Variants in BCL2L13 observed in about 807,000 individuals in gnomAD.
BCL2L13 encodes bcl-2-like protein 13.
In BCL2L13, 13 loss-of-function variants were observed where a neutral mutation model predicts 25.8. The observed-to-expected ratio is 0.50, with a 90% CI of 0.33 to 0.80. BCL2L13 has a LOEUF of 0.80. BCL2L13 is among the 30% of genes least tolerant of loss of function. The pLI, the probability that BCL2L13 is intolerant of heterozygous loss-of-function variation, is 0.02. For missense variants in BCL2L13, 504 were observed against 574.9 expected, an observed-to-expected ratio of 0.88 and a Z score of 1.26; for synonymous variants, 244 against 230.3, an observed-to-expected ratio of 1.06 and a Z score of -0.54.
chr22:17,687,314 C>T (rs913156771), intron 3 of BCL2L13, among the ~76,000 whole-genome samples: 2 of 125,880 alleles, frequency 1.6e-5, no homozygotes, highest in African/African-American at 2.9e-5. Flanking sequence ...TTTCTGGATT[C>T]AAGTTTTATT....
chr22:17,682,871 C>T (rs956315380), intron 2 of BCL2L13, among the ~76,000 whole-genome samples: 9 of 152,166 alleles, frequency 5.9e-5, no homozygotes, highest in African/African-American at 1.7e-4. Context: ...CAGTGGCTTA[C>T]GCCTGAAATC....
chr22:17,650,167 GC>G (rs1333291440), intron 1 of BCL2L13, among the ~76,000 whole-genome samples: 1 of 152,114 alleles, frequency 6.6e-6, no homozygotes. Flanking sequence ...ACTGCGCCCG[GC>G]TGACTCTTCT....
chr22:17,680,623 G>A (rs1455120600), intron 2 of BCL2L13, among the ~76,000 whole-genome samples: 1 of 151,618 alleles, frequency 6.6e-6, no homozygotes, highest in African/African-American at 2.4e-5. Context: ...CTCTCCGAGG[G>A]GAGTGCATTG....
rs933157237 is a variant in BCL2L13 at position 17,646,303 on chromosome 22, A to G, written c.-51+7417A>G. 1.3e-4 allele frequency among the ~76,000 whole-genome samples: 19 copies of G among 151,402 alleles called. 1 individual carries two copies. The highest frequency in any genetic ancestry group is 4.4e-4 in the African/African-American group (18 of 40,814). ...CTCTTGTTGCCCAGGCTGGAGTGCA[A>G]TGGCACGATCTCAGCTCACTGCAAC... On this transcript the variant is annotated intron_variant, in intron 1 of 6. Transcript: ENST00000317582.
intron 6 of BCL2L13, among the ~76,000 whole-genome samples, chr22:17,709,840 C>T (rs937512523): frequency 2.0e-5 from 3 of 151,644 alleles, no homozygotes; most frequent in East Asian, 2.0e-4. Context: ...TTTGGGAGGC[C>T]GAGGCAGGCA....
intron 2 of BCL2L13, among the ~76,000 whole-genome samples, chr22:17,681,498 GAAA>G (rs58442419): frequency 7.4e-6 from 1 of 135,212 alleles, no homozygotes; most frequent in Admixed American, 7.5e-5. Context: ...GACTCCGTCT[GAAA>G]AAAAAAAAAA....
chr22:17,640,894 A>ACT lies in BCL2L13; in HGVS notation c.-51+2008_-51+2009insCT, dbSNP rs1568915218. On this transcript the variant is annotated intron_variant, in intron 1 of 6. Coordinates refer to ENST00000317582, the MANE Select transcript of BCL2L13 (RefSeq NM_015367.4). Reference sequence around the variant, plus strand: ...GTTTATTAATTTTTTATATATATATATATATTTTTTTTTTGAGGCGGAGTG... The same window carrying ACT: ...GTTTATTAATTTTTTATATATATATACTTATATTTTTTTTTTGAGGCGGAGTG... Among the ~76,000 whole-genome samples, 250 of 113,160 alleles carry ACT rather than the reference A, an allele frequency of 2.2e-3. 2 individuals are homozygous for ACT. Among genetic ancestry groups the ACT allele is most frequent in the African/African-American group, 7.3e-3 (228 of 31,226 alleles). The allele number at this position is 113,160 out of a possible 152,430, so 74.2% of individuals were successfully genotyped here. A position where few individuals can be genotyped will look rare whatever the true frequency, so the allele number is the denominator to read the frequency against.
chr22:17,697,117 G>A (rs1568986691), intron 5 of BCL2L13, among the ~76,000 whole-genome samples: 1 of 151,140 alleles, frequency 6.6e-6, no homozygotes. Context: ...CTGGATATAT[G>A]TCTGTGGGCA....
In BCL2L13 at chr22:17,729,730, A is replaced by G. The variant is rs1460269367; in HGVS notation, c.*2196A>G. 6.6e-6 allele frequency: 1 copy of G among 152,216 alleles called. No individual in the cohort carries two copies. The highest frequency in any genetic ancestry group is 1.5e-5 in the Non-Finnish European group (1 of 68,046). 9.4% of individuals were successfully genotyped at this position (152,216 alleles called of 1,614,324 possible). On this transcript the variant is annotated 3_prime_UTR_variant, in exon 7 of 7. Coordinates refer to ENST00000317582, the MANE Select transcript of BCL2L13 (RefSeq NM_015367.4). ...TGCTTTATTTTCCCACCTGTTAGAC[A>G]TTCCTCCACAGTGATTTGGCCAGTT... is the stretch of plus-strand genomic sequence containing the variant.
At chr22:17,664,913 G>C (rs2059190268) in intron 2 of BCL2L13, among the ~76,000 whole-genome samples, 1 of 152,196 alleles carries the variant, frequency 6.6e-6, no homozygotes, top group Non-Finnish European at 1.5e-5. Context: ...AGGAAACTAT[G>C]TTTCCCTCCT....
chr22:17,634,455 G>T (rs1278720407), upstream of BCL2L13, among the ~76,000 whole-genome samples: 2 of 152,184 alleles, frequency 1.3e-5, no homozygotes, highest in African/African-American at 4.8e-5. Flanking sequence ...AAAGTGTTGG[G>T]ACTACAGGCG....
chr22:17,728,176 C>G lies in BCL2L13; in HGVS notation c.*642C>G, dbSNP rs1486578908. 1 of 154,550 alleles carries G rather than the reference C, an allele frequency of 6.5e-6. No homozygotes were observed. The highest frequency in any genetic ancestry group is 2.0e-4 in the South Asian group (1 of 4,980). 9.6% of individuals were successfully genotyped at this position (154,550 alleles called of 1,614,324 possible). A position where few individuals can be genotyped will look rare whatever the true frequency, so the allele number is the denominator to read the frequency against. ...GGTGCTCGCCCGTACTCTCAGCTGC[C>G]TCTCAGGGACTGCACTGTTCCTCTT... On this transcript the variant is annotated 3_prime_UTR_variant, in exon 7 of 7. Coordinates refer to ENST00000317582, the MANE Select transcript of BCL2L13 (RefSeq NM_015367.4).
chr22:17,665,403 CT>C (rs2059204465), intron 2 of BCL2L13, among the ~76,000 whole-genome samples: 2 of 152,178 alleles, frequency 1.3e-5, no homozygotes, highest in Admixed American at 1.3e-4. Context: ...CACATTTTTC[CT>C]GTTGTTTCCT....
intron 2 of BCL2L13, among the ~76,000 whole-genome samples, chr22:17,680,250 C>T (rs1938861611): frequency 1.4e-5 from 2 of 140,670 alleles, no homozygotes; most frequent in Non-Finnish European, 3.0e-5. Flanking sequence ...GTGGCTCACG[C>T]CTGTAATCCC....
intron 6 of BCL2L13, among the ~76,000 whole-genome samples, chr22:17,708,089 C>T (rs2060642445): frequency 6.6e-6 from 1 of 151,960 alleles, no homozygotes; most frequent in African/African-American, 2.4e-5. Context: ...ACCACCAAAG[C>T]AAAGTTATAT....
chr22:17,669,639 A>C (rs1251872474), intron 2 of BCL2L13, among the ~76,000 whole-genome samples: 1 of 152,136 alleles, frequency 6.6e-6, no homozygotes, highest in African/African-American at 2.4e-5. Flanking sequence ...TTTGGGATCA[A>C]CTCTCAACAT....
chr22:17,712,070 A>G (rs1246201284), intron 6 of BCL2L13, among the ~76,000 whole-genome samples: 1 of 151,824 alleles, frequency 6.6e-6, no homozygotes, highest in Non-Finnish European at 1.5e-5. Context: ...AAAGACTAGG[A>G]AGAGTACACT....
rs2145851625 is a variant in BCL2L13, at chr22:17,727,902, C to A, written c.*368C>A. 1 of 258,006 alleles carries A rather than the reference C, an allele frequency of 3.9e-6. No homozygotes were observed. Among genetic ancestry groups the A allele is most frequent in the Admixed American group, 4.8e-5 (1 of 20,934 alleles). The allele number at this position is 258,006 out of a possible 1,614,324, so 16.0% of individuals were successfully genotyped here. On this transcript the variant is annotated 3_prime_UTR_variant, in exon 7 of 7. Coordinates refer to ENST00000317582, the MANE Select transcript of BCL2L13 (RefSeq NM_015367.4). Reference sequence around the variant, plus strand: ...CAGTGGCACCCCCTCCCAGAGATGACAAACGAAAATGTCTCTAGACATTGC... The same window carrying A: ...CAGTGGCACCCCCTCCCAGAGATGAAAAACGAAAATGTCTCTAGACATTGC...
At chr22:17,667,148 C>G (rs887606037) in intron 2 of BCL2L13, among the ~76,000 whole-genome samples, 3 of 152,036 alleles carry the variant, frequency 2.0e-5, no homozygotes, top group Non-Finnish European at 2.9e-5. Context: ...TGGGTATATA[C>G]CTAGCAGTGG....
Sources: gnomAD v4.1 joint callset for allele counts (sites outside exome capture counted in the v4.1 genomes callset) on GRCh38, gnomAD v4.1.1 for gene constraint, MANE v1.5 for transcripts, NCBI Gene and HGNC (gene_info 2026-07-23, HGNC 2026-07-21) for gene names.